The following KLRG1 variants were observed in gnomAD, a reference collection of about 807,000 sequenced individuals.
KLRG1 encodes killer cell lectin like receptor G1, also known as killer cell lectin-like receptor subfamily G member 1.
In KLRG1, 16 loss-of-function variants were observed where a neutral mutation model predicts 21.8. That is an observed-to-expected ratio of 0.73 (90% CI 0.50 to 1.11). The LOEUF (loss-of-function observed/expected upper bound fraction) is 1.11, where lower values mean the gene tolerates loss of function less well. Ranked by LOEUF, KLRG1 falls within the 50% of genes most tolerant of loss-of-function variation. The probability of loss-of-function intolerance (pLI) is 0.00; values close to 1 mark genes in which losing one functional copy is unlikely to be tolerated. For missense variants in KLRG1, 173 were observed against 218.3 expected (o/e 0.79, Z 1.31); for synonymous variants, 69 against 75.9 (o/e 0.91, Z 0.47).
the KLRG1 span, among the ~76,000 whole-genome samples, chr12:9,081,762 T>C: frequency 6.6e-6 from 1 of 152,256 alleles, no homozygotes; most frequent in African/African-American, 2.4e-5. Flanking sequence ...TCAAAGACAC[T>C]TCTCAGGAAG....
the KLRG1 span, chr12:9,069,770 T>C: frequency 9.3e-6 from 15 of 1,613,144 alleles, no homozygotes; most frequent in South Asian, 1.5e-4. Flanking sequence ...CAAGACATGG[T>C]TGCTGCTGAC....
At chr12:8,996,217 T>C (rs187569838) in intron 3 of KLRG1, among the ~76,000 whole-genome samples, 5 of 152,216 alleles carry the variant, frequency 3.3e-5, no homozygotes, top group African/African-American at 9.6e-5. Context: ...ATCCTTCCTA[T>C]CCACCCAGCA....
the KLRG1 span, among the ~76,000 whole-genome samples, chr12:9,124,966 A>C: frequency 6.6e-6 from 1 of 152,178 alleles, no homozygotes; most frequent in African/African-American, 2.4e-5. Flanking sequence ...ACCCCATAAA[A>C]GCCTCGGGCT....
the KLRG1 span, chr12:9,091,428 A>G: frequency 6.2e-7 from 1 of 1,614,160 alleles, no homozygotes; most frequent in African/African-American, 1.3e-5. Flanking sequence ...ACACCTGCTG[A>G]GCTGGAGAGG....
chr12:8,953,720 T>C (rs1056819416), intron 1 of KLRG1, among the ~76,000 whole-genome samples: 4 of 152,202 alleles, frequency 2.6e-5, no homozygotes, highest in Non-Finnish European at 4.4e-5. Context: ...ACAGATATCA[T>C]ATTGGCGATT....
the KLRG1 span, among the ~76,000 whole-genome samples, chr12:9,167,751 G>C: frequency 6.6e-6 from 1 of 151,986 alleles, no homozygotes; most frequent in East Asian, 1.9e-4. Context: ...TTTCCTGAGT[G>C]TTATTATATG....
chr12:8,966,895 T>C (rs1181595661), intron 1 of KLRG1, among the ~76,000 whole-genome samples: 2 of 149,950 alleles, frequency 1.3e-5, no homozygotes, highest in Non-Finnish European at 3.0e-5. Flanking sequence ...CTTATGTTTA[T>C]TGCGGCATTA....
the KLRG1 span, chr12:9,154,535 C>A: frequency 1.5e-6 from 2 of 1,304,816 alleles, no homozygotes. Flanking sequence ...ATTGCCTTCT[C>A]TTTTCCATTA....
chr12:9,165,873 A>C, the KLRG1 span, among the ~76,000 whole-genome samples: 1 of 152,244 alleles, frequency 6.6e-6, no homozygotes, highest in Non-Finnish European at 1.5e-5. Context: ...ATTGCTCAGC[A>C]CTGAGACAAT....
At chr12:8,952,121 G>A (rs1267140701) in intron 1 of KLRG1, among the ~76,000 whole-genome samples, 3 of 152,076 alleles carry the variant, frequency 2.0e-5, no homozygotes, top group Non-Finnish European at 2.9e-5. Context: ...TCCTTTCTTA[G>A]CCTCATTATT....
the KLRG1 span, among the ~76,000 whole-genome samples, chr12:9,195,263 A>G: frequency 4.6e-5 from 7 of 152,252 alleles, no homozygotes; most frequent in Non-Finnish European, 8.8e-5. Flanking sequence ...AATACATTAG[A>G]AGATATTTGG....
At chr12:9,214,612 T>A in the KLRG1 span, among the ~76,000 whole-genome samples, 1 of 152,062 alleles carries the variant, frequency 6.6e-6, no homozygotes, top group African/African-American at 2.4e-5. Context: ...TTCTTTTTTT[T>A]AAATGACATA....
Position 8,958,856 on chromosome 12 carries a change from C to CA in KLRG1, c.-156+8635dup, listed in dbSNP as rs35772625. Among the ~76,000 whole-genome samples, 771 of 131,702 alleles carry CA rather than the reference C, an allele frequency of 5.9e-3. 8 individuals carry two copies. The highest frequency in any genetic ancestry group is 0.032 in the East Asian group (143 of 4,434). The allele number at this position is 131,702 out of a possible 152,430, so 86.4% of individuals were successfully genotyped here. On this transcript the variant is annotated intron_variant, in intron 1 of 4. Transcript: ENST00000539240. ...TGGACAACAGAGTGATACCCTGTAT[C>CA]AAAAAAAAAAAAAAATCCTGCTGGG...
the KLRG1 span, among the ~76,000 whole-genome samples, chr12:9,192,001 G>C: frequency 6.6e-6 from 1 of 152,190 alleles, no homozygotes; most frequent in Non-Finnish European, 1.5e-5. Context: ...GACTGATACA[G>C]AGTAGACAAT....
chr12:9,173,684 C>A, the KLRG1 span, among the ~76,000 whole-genome samples: 2 of 152,092 alleles, frequency 1.3e-5, no homozygotes, highest in Non-Finnish European at 2.9e-5. Context: ...CAACCATCCG[C>A]AAATACTATA....
At chr12:9,035,320 C>T in the KLRG1 span, among the ~76,000 whole-genome samples, 146 of 152,104 alleles carry the variant, frequency 9.6e-4, 1 homozygote, top group African/African-American at 3.2e-3. Flanking sequence ...AGCTGGAAAC[C>T]ATCATTCTCA....
At chr12:9,161,117 C>A in the KLRG1 span, 4 of 1,562,814 alleles carry the variant, frequency 2.6e-6, no homozygotes, top group Middle Eastern at 3.4e-4. Context: ...ACATTAGCAC[C>A]TTTAGAAACA....
chr12:9,022,068 G>A, the KLRG1 span, among the ~76,000 whole-genome samples: 1 of 148,988 alleles, frequency 6.7e-6, no homozygotes, highest in Non-Finnish European at 1.5e-5. Flanking sequence ...GAGGCTGGCT[G>A]TTGAGTGATA....
At chr12:9,052,582 C>G in the KLRG1 span, among the ~76,000 whole-genome samples, 1 of 152,152 alleles carries the variant, frequency 6.6e-6, no homozygotes, top group East Asian at 1.9e-4. Flanking sequence ...CACATCTGTC[C>G]TTCTGCATTC....
Sources: gnomAD v4.1 joint callset for allele counts (sites outside exome capture counted in the v4.1 genomes callset) on GRCh38, gnomAD v4.1.1 for gene constraint, MANE v1.5 for transcripts, NCBI Gene and HGNC (gene_info 2026-07-23, HGNC 2026-07-21) for gene names.